CIMAP3: variants seen among roughly 807,000 people sequenced by gnomAD.
The protein encoded by CIMAP3 is ciliary microtubule associated protein 3.
chr1:111,337,894 T>A, the CIMAP3 span, among the ~76,000 whole-genome samples: 2 of 151,076 alleles, frequency 1.3e-5, no homozygotes, highest in Non-Finnish European at 2.9e-5. Flanking sequence ...AGAATATACA[T>A]TTTTTTCAGC....
the CIMAP3 span, chr1:111,347,618 C>T: frequency 1.2e-4 from 116 of 929,646 alleles, 1 homozygote; most frequent in South Asian, 3.9e-4. Context: ...GTTGTTTTTT[C>T]TTTCTTTTTT....
chr1:111,334,467 C>T, the CIMAP3 span, among the ~76,000 whole-genome samples: 3 of 152,152 alleles, frequency 2.0e-5, no homozygotes, highest in African/African-American at 7.2e-5. Flanking sequence ...ATAAATAATA[C>T]TTCAATGCCA....
chr1:111,351,288 T>C, the CIMAP3 span: 1 of 1,585,992 alleles, frequency 6.3e-7, no homozygotes, highest in East Asian at 2.3e-5. Context: ...TTAGAAAGCA[T>C]CGGAACCGTG....
the CIMAP3 span, among the ~76,000 whole-genome samples, chr1:111,342,763 T>C: frequency 6.6e-6 from 1 of 152,214 alleles, no homozygotes; most frequent in Non-Finnish European, 1.5e-5. Flanking sequence ...TCCATCTCAG[T>C]ATCACTTTTT....
chr1:111,337,213 G>A, the CIMAP3 span, among the ~76,000 whole-genome samples: 2,505 of 152,220 alleles, frequency 0.016, 31 homozygotes, highest in Non-Finnish European at 0.025. Flanking sequence ...AACATGGAAA[G>A]GAACAACCAG....
At chr1:111,332,238 G>A in the CIMAP3 span, among the ~76,000 whole-genome samples, 1 of 152,138 alleles carries the variant, frequency 6.6e-6, no homozygotes, top group Non-Finnish European at 1.5e-5. Context: ...TTGGCTTCTT[G>A]GTTGGTCTGA....
At chr1:111,337,919 A>T in the CIMAP3 span, among the ~76,000 whole-genome samples, 5,144 of 150,578 alleles carry the variant, frequency 0.034, 126 homozygotes, top group Non-Finnish European at 0.044. Context: ...CACCACACCT[A>T]TTCCAAAATT....
At chr1:111,338,897 A>C in the CIMAP3 span, among the ~76,000 whole-genome samples, 1 of 152,180 alleles carries the variant, frequency 6.6e-6, no homozygotes, top group African/African-American at 2.4e-5. Context: ...CGGAGACACA[A>C]CCAAAAAAGA....
chr1:111,347,227 G>A, the CIMAP3 span, among the ~76,000 whole-genome samples: 1 of 152,120 alleles, frequency 6.6e-6, no homozygotes, highest in Admixed American at 6.5e-5. Flanking sequence ...GAGATTAAAG[G>A]ATTATTGCTC....
chr1:111,326,467 T>G, the CIMAP3 span, among the ~76,000 whole-genome samples: 1 of 152,214 alleles, frequency 6.6e-6, no homozygotes. Flanking sequence ...TTGCTACAAG[T>G]GACGTGATTT....
At chr1:111,348,536 CA>C in the CIMAP3 span, 3 of 1,607,554 alleles carry the variant, frequency 1.9e-6, no homozygotes, top group East Asian at 6.7e-5. Context: ...CTCATGCAGG[CA>C]GGTACCAGAA....
the CIMAP3 span, chr1:111,346,846 C>G: frequency 2.3e-5 from 37 of 1,593,548 alleles, no homozygotes; most frequent in Admixed American, 5.6e-4. Flanking sequence ...CCTTCCCCTC[C>G]CGGAACGCGC....
the CIMAP3 span, among the ~76,000 whole-genome samples, chr1:111,339,377 A>G: frequency 5.4e-5 from 8 of 149,418 alleles, no homozygotes; most frequent in Non-Finnish European, 1.2e-4. Context: ...GGAGAAGGAA[A>G]TAAAGGGTAT....
At chr1:111,329,560 AT>A in the CIMAP3 span, among the ~76,000 whole-genome samples, 26 of 64,516 alleles carry the variant, frequency 4.0e-4, no homozygotes, top group East Asian at 5.2e-4. Flanking sequence ...TATATATATA[AT>A]TTTTTTTTTT....
the CIMAP3 span, among the ~76,000 whole-genome samples, chr1:111,336,714 C>A: frequency 6.6e-6 from 1 of 152,156 alleles, no homozygotes; most frequent in Non-Finnish European, 1.5e-5. Flanking sequence ...ACCGAATCTT[C>A]GTCTGATTGG....
At chr1:111,328,396 A>T in the CIMAP3 span, among the ~76,000 whole-genome samples, 1 of 152,164 alleles carries the variant, frequency 6.6e-6, no homozygotes, top group Non-Finnish European at 1.5e-5. Context: ...TAGGTCCTGA[A>T]TATCTTTGTT....
the CIMAP3 span, chr1:111,349,475 GC>G: frequency 3.2e-4 from 49 of 152,440 alleles, no homozygotes; most frequent in African/African-American, 1.1e-3. Context: ...GACTTGTAGG[GC>G]AAAAGATCAA....
At chr1:111,348,754 G>T in the CIMAP3 span, 1 of 1,105,546 alleles carries the variant, frequency 9.0e-7, no homozygotes, top group Non-Finnish European at 1.3e-6. Context: ...AACCATCGCA[G>T]TTAAATAAGG....
At chr1:111,332,580 T>G in the CIMAP3 span, among the ~76,000 whole-genome samples, 46,153 of 151,966 alleles carry the variant, frequency 0.3, 7,684 homozygotes, top group South Asian at 0.42. Flanking sequence ...TATCTTTGCT[T>G]GAGGTGATCT....
Sources: allele counts gnomAD v4.1 joint callset (sites outside exome capture counted in the v4.1 genomes callset), GRCh38; gene constraint gnomAD v4.1.1; transcripts MANE v1.5; gene names NCBI Gene and HGNC (gene_info 2026-07-23, HGNC 2026-07-21).